DRC4: variants seen among roughly 807,000 people sequenced by gnomAD.
The protein encoded by DRC4 is GAS-11.
At chr16:90,026,681 T>C in the DRC4 span, among the ~76,000 whole-genome samples, 1 of 151,784 alleles carries the variant, frequency 6.6e-6, no homozygotes, top group Non-Finnish European at 1.5e-5. Context: ...TGGAATGGGT[T>C]CCCCCCTCTC....
the DRC4 span, among the ~76,000 whole-genome samples, chr16:90,025,779 C>T: frequency 7.5e-5 from 11 of 146,674 alleles, no homozygotes; most frequent in Middle Eastern, 0.019. Context: ...CCCAGCTCCT[C>T]GTGGAGGCTG....
chr16:90,022,634 A>G, the DRC4 span: 4 of 1,356,520 alleles, frequency 2.9e-6, no homozygotes, highest in Non-Finnish European at 3.9e-6. Flanking sequence ...TTATCGCGGC[A>G]TCGCCCAGCG....
the DRC4 span, chr16:90,036,624 C>T: frequency 1.3e-6 from 2 of 1,536,438 alleles, no homozygotes; most frequent in East Asian, 4.9e-5. Flanking sequence ...GCACACTCTG[C>T]CTGTCCTAGA....
the DRC4 span, chr16:90,020,718 G>C: frequency 2.0e-5 from 3 of 152,222 alleles, no homozygotes; most frequent in South Asian, 4.1e-4. Context: ...AGCCCACACC[G>C]ACAGACCAGG....
the DRC4 span, among the ~76,000 whole-genome samples, chr16:90,038,438 G>C: frequency 6.6e-6 from 1 of 152,200 alleles, no homozygotes; most frequent in African/African-American, 2.4e-5. Flanking sequence ...GCTGCGTTTT[G>C]TGAACGTTTG....
the DRC4 span, chr16:90,044,004 C>T: frequency 2.3e-6 from 1 of 426,502 alleles, no homozygotes; most frequent in Non-Finnish European, 4.8e-6. Flanking sequence ...GATGGAGAGG[C>T]CAGGAGAGAG....
At chr16:90,028,660 TA>T in the DRC4 span, among the ~76,000 whole-genome samples, 32 of 152,202 alleles carry the variant, frequency 2.1e-4, no homozygotes, top group Admixed American at 2.0e-3. Flanking sequence ...CATAATTACA[TA>T]ATTACAATTT....
chr16:90,022,696 C>G, the DRC4 span: 1 of 1,418,974 alleles, frequency 7.0e-7, no homozygotes, highest in Admixed American at 2.5e-5. Context: ...GTCCCGGAGT[C>G]GCCGCTGGGC....
At chr16:90,033,456 A>G in the DRC4 span, among the ~76,000 whole-genome samples, 1 of 152,346 alleles carries the variant, frequency 6.6e-6, no homozygotes, top group African/African-American at 2.4e-5. Flanking sequence ...TGAGGCCAAT[A>G]GTTTGAGACT....
chr16:90,027,273 A>G, the DRC4 span, among the ~76,000 whole-genome samples: 1 of 151,480 alleles, frequency 6.6e-6, no homozygotes, highest in Admixed American at 6.6e-5. Flanking sequence ...TATTTTTAGT[A>G]GAGATGGGGT....
At chr16:90,043,509 C>A in the DRC4 span, 1 of 707,300 alleles carries the variant, frequency 1.4e-6, no homozygotes, top group Non-Finnish European at 2.3e-6. Context: ...GGAGGAGAAC[C>A]ACCTGCAGGA....
the DRC4 span, chr16:90,040,233 G>C: frequency 2.7e-6 from 4 of 1,455,546 alleles, no homozygotes; most frequent in Non-Finnish European, 3.7e-6. Context: ...GTGGGAGGCA[G>C]CATCTTCCCA....
At chr16:90,043,942 C>T in the DRC4 span, 1 of 422,374 alleles carries the variant, frequency 2.4e-6, no homozygotes, top group Non-Finnish European at 4.9e-6. Flanking sequence ...GATGTAGGAC[C>T]AGGGGCACGT....
At chr16:90,042,341 A>T in the DRC4 span, 13 of 735,968 alleles carry the variant, frequency 1.8e-5, no homozygotes, top group Non-Finnish European at 2.9e-5. Context: ...CCCTGTGTGG[A>T]TGGATGCATC....
At chr16:90,041,360 C>T in the DRC4 span, among the ~76,000 whole-genome samples, 1 of 152,216 alleles carries the variant, frequency 6.6e-6, no homozygotes, top group Non-Finnish European at 1.5e-5. Flanking sequence ...GCTGCTGTGT[C>T]AGTGGGCAGC....
the DRC4 span, chr16:90,036,542 A>G: frequency 8.1e-6 from 13 of 1,604,616 alleles, no homozygotes; most frequent in South Asian, 1.3e-4. Flanking sequence ...GAACTACTAC[A>G]ACGACATCAC....
At chr16:90,037,766 C>G in the DRC4 span, 3 of 1,614,066 alleles carry the variant, frequency 1.9e-6, no homozygotes, top group East Asian at 6.7e-5. Flanking sequence ...CTCCAGTGCA[C>G]AAAAGCCCGT....
the DRC4 span, among the ~76,000 whole-genome samples, chr16:90,034,491 G>A: frequency 4.6e-5 from 7 of 151,968 alleles, no homozygotes; most frequent in Non-Finnish European, 7.4e-5. Flanking sequence ...GCGTGGTGGC[G>A]CACACCTATA....
chr16:90,032,221 C>G, the DRC4 span, among the ~76,000 whole-genome samples: 21,717 of 145,112 alleles, frequency 0.15, 2,411 homozygotes, highest in East Asian at 0.62. Context: ...TGCAGGTGAT[C>G]AGGTGTATAC....
Sources: allele counts gnomAD v4.1 joint callset (sites outside exome capture counted in the v4.1 genomes callset), GRCh38; gene constraint gnomAD v4.1.1; transcripts MANE v1.5; gene names NCBI Gene and HGNC (gene_info 2026-07-23, HGNC 2026-07-21).